FAM120C: variants seen among roughly 807,000 people sequenced by gnomAD.
FAM120C encodes family with sequence similarity 120 member C, also known as constitutive coactivator of PPAR-gamma-like protein 2.
In FAM120C, 14 loss-of-function variants were observed where a neutral mutation model predicts 71.2. That is an observed-to-expected ratio of 0.20 (90% confidence interval 0.13 to 0.31). The LOEUF is 0.31. Among genes scored for constraint, FAM120C ranks in the 10% least tolerant of loss-of-function variants. FAM120C has a pLI of 1.00. For missense variants in FAM120C, 500 were observed against 879.0 expected (o/e 0.57, Z 5.45); for synonymous variants, 354 against 353.2 (o/e 1.00, Z -0.03).
chrX:54,127,492 G>A (rs1190767705), intron 9 of FAM120C, among the ~76,000 whole-genome samples: 1 of 105,049 alleles, frequency 9.5e-6, no homozygotes, highest in African/African-American at 3.5e-5. Context: ...TCGGGAGGCT[G>A]AGGCAGGAGA....
At chrX:54,158,908 A>G in intron 2 of FAM120C, among the ~76,000 whole-genome samples, 1 of 112,170 alleles carries the variant, frequency 8.9e-6, no homozygotes, top group Middle Eastern at 4.6e-3. Context: ...CCCTTTTTCA[A>G]TTTTGCTGTA....
intron 9 of FAM120C, among the ~76,000 whole-genome samples, chrX:54,129,347 G>A (rs1299969070): frequency 5.1e-4 from 56 of 108,785 alleles, no homozygotes; most frequent in African/African-American, 1.7e-3. Flanking sequence ...AGACGGGGTC[G>A]CAGCCGGGCA....
In FAM120C at chrX:54,182,582, G is replaced by A; in HGVS notation, c.617C>T (p.Thr206Ile). ...LIVGHVGNKG[T>I]PPPRAWFLPP... ...CAGGAACCAGGCCCGCGGTGGAGGG[G>A]TGCCCTTGTTGCCCACGTGTCCCAC... Residue 206 changes from threonine (T) to isoleucine (I), a missense_variant, in exon 1 of 16, where the codon ACC becomes ATC. Physicochemically the swap from Thr to Ile is moderately conservative, Grantham distance 89 (BLOSUM62 -1). Around this residue, in one of 11 missense-constraint regions of FAM120C, gnomAD observed 45 missense variants for 140.2 expected, o/e 0.32. Coordinates refer to ENST00000375180, the MANE Select transcript of FAM120C (RefSeq NM_017848.6). The A allele has an allele frequency of 8.3e-7, 1 of 1,209,520 alleles. No homozygotes were observed. The highest frequency in any genetic ancestry group is 1.1e-6 in the Non-Finnish European group (1 of 895,065).
chrX:54,154,059 G>T (rs1163212407), intron 3 of FAM120C, among the ~76,000 whole-genome samples: 2 of 108,538 alleles, frequency 1.8e-5, no homozygotes, highest in Non-Finnish European at 3.8e-5. Flanking sequence ...TTTTAAAAGG[G>T]TCGCTCTCCT....
chrX:54,100,819 A>G (rs1260479404), intron 10 of FAM120C, among the ~76,000 whole-genome samples: 1 of 112,065 alleles, frequency 8.9e-6, no homozygotes, highest in East Asian at 2.8e-4. Context: ...ATGGGTGCAG[A>G]GTATAGGCCA....
At chrX:54,118,605 G>C (rs1432189628) in intron 9 of FAM120C, among the ~76,000 whole-genome samples, 1 of 108,171 alleles carries the variant, frequency 9.2e-6, no homozygotes, top group Non-Finnish European at 1.9e-5. Context: ...CATCCTCTCC[G>C]GGATATGGTA....
intron 14 of FAM120C, among the ~76,000 whole-genome samples, chrX:54,080,527 T>C (rs2066758908): frequency 8.9e-6 from 1 of 112,046 alleles, no homozygotes; most frequent in African/African-American, 3.2e-5. Context: ...GGCAATTTAT[T>C]ATTTATTTGC....
chrX:54,148,967 AT>A (rs1405780355), intron 4 of FAM120C, among the ~76,000 whole-genome samples: 1 of 112,118 alleles, frequency 8.9e-6, no homozygotes, highest in African/African-American at 3.2e-5. Flanking sequence ...AATTAAAAAA[AT>A]AAATGGAAAA....
intron 1 of FAM120C, among the ~76,000 whole-genome samples, chrX:54,167,707 C>CAGCACTTTGGGAGG (rs2146643658): frequency 9.1e-6 from 1 of 110,245 alleles, no homozygotes; most frequent in South Asian, 3.9e-4. Flanking sequence ...TGGCTCATGC[C>CAGCACTTTGGGAGG]TGTAATCCCA....
chrX:54,172,502 T>C (rs1312789876), intron 1 of FAM120C, among the ~76,000 whole-genome samples: 2 of 112,549 alleles, frequency 1.8e-5, no homozygotes, highest in South Asian at 3.7e-4. Context: ...CTTAACACTA[T>C]TGCAGAAGCA....
chrX:54,129,104 A>T (rs2067045726), intron 9 of FAM120C, among the ~76,000 whole-genome samples: 1 of 96,133 alleles, frequency 1.0e-5, no homozygotes, highest in Admixed American at 1.1e-4. Flanking sequence ...CAGGGGGCTG[A>T]CCCCCCACCT....
Position 54,103,894 on chromosome X carries a change from C to CACT in FAM120C, c.2313-12471_2313-12469dup, listed in dbSNP as rs2066893890. On this transcript the variant is annotated intron_variant, in intron 10 of 15. Transcript: ENST00000375180. ...AGAATTATTCTGTCAAGTGAATGAA[C>CACT]ACTAGTTCTTATGTATCTTTATTCT... Among the ~76,000 whole-genome samples the CACT allele has an allele frequency of 3.6e-5, 4 of 111,205 alleles. No homozygotes were observed. In the South Asian group the frequency reaches 1.5e-3, roughly 42 times the overall value.
intron 9 of FAM120C, 57 bp downstream of exon 9, chrX:54,132,635 A>G: frequency 9.8e-7 from 1 of 1,018,750 alleles, no homozygotes; most frequent in Non-Finnish European, 1.3e-6. Flanking sequence ...GTGCCTGGAC[A>G]GACATATCTG....
chrX:54,117,958 T>C (rs2066980788), intron 9 of FAM120C, among the ~76,000 whole-genome samples: 1 of 111,568 alleles, frequency 9.0e-6, no homozygotes, highest in South Asian at 3.8e-4. Flanking sequence ...GCGTGGTGGT[T>C]CACGCCTGTA....
intron 10 of FAM120C, among the ~76,000 whole-genome samples, chrX:54,104,893 T>G (rs996571091): frequency 1.8e-5 from 2 of 110,545 alleles, no homozygotes; most frequent in Non-Finnish European, 3.8e-5. Context: ...CAATAACAAG[T>G]TCTGAAAGTG....
intron 1 of FAM120C, among the ~76,000 whole-genome samples, chrX:54,180,233 A>T (rs1444057459): frequency 2.7e-5 from 3 of 112,319 alleles, no homozygotes; most frequent in African/African-American, 6.5e-5. Flanking sequence ...TTCAGAGCTC[A>T]TAACTGGCTA....
At chrX:54,162,648 C>T (rs782387797) in intron 1 of FAM120C, among the ~76,000 whole-genome samples, 139 of 111,797 alleles carry the variant, frequency 1.2e-3, no homozygotes, top group Admixed American at 2.1e-3. Context: ...ACTATCATCT[C>T]AGCGTTTAAC....
chrX:54,178,285 T>G (rs2067329290), intron 1 of FAM120C, among the ~76,000 whole-genome samples: 1 of 112,114 alleles, frequency 8.9e-6, no homozygotes, highest in Admixed American at 9.5e-5. Context: ...CTTACACATT[T>G]GCCTTGTACT....
At chrX:54,085,983 G>C (rs1557121932) in intron 12 of FAM120C, 67 bp from the exon 13 acceptor site, 4 of 951,516 alleles carry the variant, frequency 4.2e-6, no homozygotes, top group Non-Finnish European at 6.0e-6. Flanking sequence ...TTTAGGCCCA[G>C]GATGGAGCAC....
Sources: gnomAD v4.1 joint callset for allele counts (sites outside exome capture counted in the v4.1 genomes callset) on GRCh38, gnomAD v4.1.1 for gene constraint, gnomAD v4.1.1 regional missense constraint, MANE v1.5 for transcripts, NCBI Gene and HGNC (gene_info 2026-07-23, HGNC 2026-07-21) for gene names.